UNC80: variants seen among roughly 807,000 people sequenced by gnomAD.
UNC80 encodes the protein protein unc-80 homolog.
UNC80 carries 164 observed loss-of-function variants against 384.6 expected under a neutral mutation model. The observed-to-expected ratio is 0.43, with a 90% CI of 0.38 to 0.49. The LOEUF (loss-of-function observed/expected upper bound fraction) is 0.49. UNC80 is among the 20% of genes least tolerant of loss of function. UNC80 has a pLI of 0.00. For synonymous variants in UNC80, 1,486 were observed against 1,527.8 expected, an observed-to-expected ratio of 0.97 and a Z score of 0.64; for missense variants, 3,330 against 4,143.0, an observed-to-expected ratio of 0.80 and a Z score of 5.39.
chr2:209,899,693 A>C (rs527364921), intron 28 of UNC80, among the ~76,000 whole-genome samples: 1 of 152,198 alleles, frequency 6.6e-6, no homozygotes, highest in Non-Finnish European at 1.5e-5. Flanking sequence ...ACTCCCAGTG[A>C]GAGTCTGGGG....
At chr2:209,966,855 C>T (rs2092755589) in intron 51 of UNC80, among the ~76,000 whole-genome samples, 1 of 152,104 alleles carries the variant, frequency 6.6e-6, no homozygotes, top group African/African-American at 2.4e-5. Flanking sequence ...TATAAGATAA[C>T]AAGAGAGGAG....
At chr2:209,827,505 G>A (rs1008580516) in intron 14 of UNC80, among the ~76,000 whole-genome samples, 2 of 152,092 alleles carry the variant, frequency 1.3e-5, no homozygotes, top group East Asian at 1.9e-4. Context: ...CAGGAGCACC[G>A]AACACTTCCT....
intron 29 of UNC80, 61 bp from the exon 30 acceptor site, chr2:209,912,499 T>C (rs2089063895): frequency 1.7e-6 from 2 of 1,167,972 alleles, no homozygotes. Flanking sequence ...CGGGGACATA[T>C]AGCACTGTTG....
chr2:209,918,046 G>A, intron 32 of UNC80, 88 bp downstream of exon 32: 1 of 1,258,760 alleles, frequency 7.9e-7, no homozygotes, highest in Non-Finnish European at 1.1e-6. Flanking sequence ...CACAGTATGT[G>A]GCCAAAGATA....
At chr2:209,847,916 A>T (rs2082274548) in intron 21 of UNC80, among the ~76,000 whole-genome samples, 1 of 152,040 alleles carries the variant, frequency 6.6e-6, no homozygotes, top group Admixed American at 6.6e-5. Flanking sequence ...CTGGATTCAC[A>T]AAAAAGAAAA....
chr2:209,924,844 A>G (rs2124957380), intron 35 of UNC80, among the ~76,000 whole-genome samples: 1 of 151,924 alleles, frequency 6.6e-6, no homozygotes, highest in South Asian at 2.1e-4. Context: ...CAAGCTAAAT[A>G]AAGACAAACC....
At chr2:209,928,569 A>T (rs1333912252) in intron 36 of UNC80, among the ~76,000 whole-genome samples, 2 of 152,216 alleles carry the variant, frequency 1.3e-5, no homozygotes, top group Non-Finnish European at 1.5e-5. Flanking sequence ...TAATAATTGT[A>T]CATATTTATG....
chr2:209,939,505 G>T lies in UNC80; in HGVS notation c.6499G>T (p.Val2167Leu). The change falls in exon 43 of 65, where the codon GTG becomes TTG. Residue 2167 changes from valine (V) to leucine (L), a missense_variant. Transcript: ENST00000673920. The stretch of plus-strand genomic sequence containing the variant: ...CCGAAAGCTGGAAGAAGTAGGGCGG[G>T]TGTTGTTTCTCATCTCCCTAACCCA... ...FTRKLEEVGR[V>L]LFLISLTQKI... 1.3e-6 allele frequency: 2 copies of T among 1,551,254 alleles called. No individual in the cohort carries two copies. The highest frequency in any genetic ancestry group is 8.7e-7 in the Non-Finnish European group (1 of 1,146,726).
At chr2:209,833,555 T>G (rs2081144489) in intron 16 of UNC80, among the ~76,000 whole-genome samples, 2 of 152,218 alleles carry the variant, frequency 1.3e-5, no homozygotes, top group Admixed American at 6.5e-5. Context: ...TCTGGAGGAC[T>G]TAACATATTT....
At position 209,896,328 on chromosome 2, in the gene UNC80, G is replaced by A. The variant is rs1456471895; in HGVS notation, c.4496G>A (p.Ser1499Asn). ...TVTDLEGSPW[S>N]ASEPSIEPEG... ...TCTTTTGAAGAAGGGAGTCCTTGGA[G>A]TGCAAGCGAGCCCAGCATTGAGCCA... is the stretch of plus-strand genomic sequence containing the variant. Residue 1499 changes from serine (S) to asparagine (N), a missense_variant, in exon 28 of 65, where the codon AGT becomes AAT. Physicochemically the swap from Ser to Asn is conservative, Grantham distance 46. Transcript: ENST00000673920. 6.4e-7 allele frequency: 1 copy of A among 1,551,726 alleles called. No individual in the cohort carries two copies. The highest frequency in any genetic ancestry group is 2.4e-5 in the East Asian group (1 of 40,908).
chr2:209,954,333 ATAAG>A, intron 48 of UNC80, 63 bp downstream of exon 48: 2 of 1,348,782 alleles, frequency 1.5e-6, no homozygotes, highest in Non-Finnish European at 9.7e-7. Flanking sequence ...AAAAAAAAAA[ATAAG>A]AAAAAAATGT....
chr2:209,930,077 C>A, intron 37 of UNC80, 106 bp downstream of exon 37: 2 of 519,326 alleles, frequency 3.9e-6, no homozygotes, highest in Non-Finnish European at 6.4e-6. Flanking sequence ...CAATGCCCTC[C>A]AATACACAAC....
intron 51 of UNC80, among the ~76,000 whole-genome samples, chr2:209,961,609 A>G (rs2092592917): frequency 6.6e-6 from 1 of 152,228 alleles, no homozygotes; most frequent in East Asian, 1.9e-4. Flanking sequence ...CATATTAGAT[A>G]TTATTCATGA....
At chr2:209,960,539 G>A (rs1320093199) in intron 51 of UNC80, among the ~76,000 whole-genome samples, 2 of 152,182 alleles carry the variant, frequency 1.3e-5, no homozygotes, top group African/African-American at 4.8e-5. Context: ...TATCTATAAA[G>A]GTAAAAGTAG....
intron 40 of UNC80, 103 bp from the exon 41 acceptor site, chr2:209,936,741 A>G (rs2091274874): frequency 2.8e-6 from 2 of 714,388 alleles, no homozygotes; most frequent in African/African-American, 3.5e-5. Context: ...AATTCTCGTA[A>G]GAGGTTACCT....
chr2:209,811,170 T>G (rs1481048532), intron 7 of UNC80, among the ~76,000 whole-genome samples: 4 of 152,144 alleles, frequency 2.6e-5, no homozygotes, highest in Non-Finnish European at 2.9e-5. Context: ...AGTAATCAAG[T>G]GGCATGCTGG....
intron 28 of UNC80, among the ~76,000 whole-genome samples, chr2:209,903,742 T>C (rs2087832060): frequency 6.8e-6 from 1 of 147,940 alleles, no homozygotes; most frequent in African/African-American, 2.5e-5. Flanking sequence ...TTTAGTGGCT[T>C]AAAACAATAC....
In UNC80 at chr2:209,949,161, A is replaced by G. The variant is rs186615644; in HGVS notation, c.7286+3218A>G. Among the ~76,000 whole-genome samples, 10 of 152,310 alleles carry G rather than the reference A, an allele frequency of 6.6e-5. No individual in the cohort carries two copies. The East Asian group carries it at 1.9e-3, about 29-fold the overall frequency. On this transcript the variant is annotated intron_variant, in intron 47 of 64. Transcript: ENST00000673920. ...CTATGTCTGTAATTTTTATTCTTTA[A>G]AAAGGTCTTATCTAATGAATTTTAT...
Position 209,978,511 on chromosome 2 carries a change from G to C in UNC80, c.8939-18G>C. On this transcript the variant is annotated intron_variant, in intron 58 of 64. Coordinates refer to ENST00000673920, the MANE Select transcript of UNC80 (RefSeq NM_001371986.1). Reference sequence around the variant, plus strand: ...AGATTCTCACCATGCATTTCCTTTGGTCTCTCGCATCCTCTAGCCTACCAA... The same window carrying C: ...AGATTCTCACCATGCATTTCCTTTGCTCTCTCGCATCCTCTAGCCTACCAA... The C allele has an allele frequency of 1.3e-6, 2 of 1,508,016 alleles. No individual in the cohort carries two copies. The highest frequency in any genetic ancestry group is 1.8e-6 in the Non-Finnish European group (2 of 1,115,008). The allele number at this position is 1,508,016 out of a possible 1,614,324, so 93.4% of individuals were successfully genotyped here.
Sources: allele counts gnomAD v4.1 joint callset (sites outside exome capture counted in the v4.1 genomes callset), GRCh38; gene constraint gnomAD v4.1.1; transcripts MANE v1.5; gene names NCBI Gene and HGNC (gene_info 2026-07-23, HGNC 2026-07-21).